Variants in ACACA observed in about 807,000 individuals in gnomAD.
The protein encoded by ACACA is acetyl-CoA carboxylase alpha.
A neutral mutation model predicts 296.1 loss-of-function variants in ACACA; 103 were observed. The observed-to-expected ratio is 0.35, with a 90% CI of 0.30 to 0.41. The LOEUF (loss-of-function observed/expected upper bound fraction) is 0.41, where lower values mean the gene tolerates loss of function less well. ACACA is among the 10% of genes least tolerant of loss of function. The pLI, the probability that ACACA is intolerant of heterozygous loss-of-function variation, is 1.00. For missense variants in ACACA, 1,554 were observed against 2,989.7 expected, an observed-to-expected ratio of 0.52 and a Z score of 11.20; for synonymous variants, 953 against 1,038.6, an observed-to-expected ratio of 0.92 and a Z score of 1.58.
chr17:37,179,457 A>G (rs1274735025), intron 40 of ACACA, 51 bp from the exon 41 acceptor site: 1 of 1,592,874 alleles, frequency 6.3e-7, no homozygotes, highest in Non-Finnish European at 8.6e-7. Context: ...TTCAATATAG[A>G]CAAAAATAAT....
intron 43 of ACACA, among the ~76,000 whole-genome samples, chr17:37,153,647 G>A (rs963484186): frequency 3.9e-5 from 6 of 152,016 alleles, no homozygotes; most frequent in East Asian, 1.9e-4. Flanking sequence ...AAATTTTTTC[G>A]ATTTATGTAT....
intron 14 of ACACA, among the ~76,000 whole-genome samples, chr17:37,253,267 CT>C (rs2081076484): frequency 1.3e-5 from 2 of 152,088 alleles, no homozygotes; most frequent in Admixed American, 6.5e-5. Flanking sequence ...TGGCGGGCGC[CT>C]GTAGTCCCAG....
chr17:37,286,087 G>A (rs772093646), intron 3 of ACACA, among the ~76,000 whole-genome samples: 2 of 151,998 alleles, frequency 1.3e-5, no homozygotes, highest in Admixed American at 1.3e-4. Context: ...ACAAGGTTTC[G>A]CCATGTTGAC....
chr17:37,273,797 G>T (rs1157406984), intron 9 of ACACA, among the ~76,000 whole-genome samples: 1 of 152,060 alleles, frequency 6.6e-6, no homozygotes, highest in Admixed American at 6.6e-5. Flanking sequence ...CTGCTTCCTG[G>T]CTTCTTGGTT....
chr17:37,355,980 C>A (rs888292512), intron 1 of ACACA, among the ~76,000 whole-genome samples: 5 of 152,068 alleles, frequency 3.3e-5, no homozygotes, highest in African/African-American at 1.2e-4. Context: ...ACCAGCCTGG[C>A]CGACATGACG....
At chr17:37,292,797 G>A (rs2083133692) in intron 3 of ACACA, among the ~76,000 whole-genome samples, 1 of 152,240 alleles carries the variant, frequency 6.6e-6, no homozygotes, top group Admixed American at 6.5e-5. Context: ...CTGGGAGGCA[G>A]AGGTTGCAGT....
rs576369907 is a variant in ACACA, at chr17:37,361,259, G to C, written c.39-21409C>G. ...TCACCATGTTGGCCAGGATGGTCTC[G>C]ATCTCTTGACCTCGTGATCCGCCCA... On this transcript the variant is annotated intron_variant, in intron 1 of 55. Transcript: ENST00000616317. 2.0e-5 allele frequency among the ~76,000 whole-genome samples: 3 copies of C among 152,002 alleles called. No individual in the cohort carries two copies. In the South Asian group the frequency reaches 6.2e-4, roughly 32 times the overall value.
intron 10 of ACACA, among the ~76,000 whole-genome samples, chr17:37,270,245 G>A (rs1235419964): frequency 2.0e-5 from 3 of 152,180 alleles, no homozygotes; most frequent in African/African-American, 7.2e-5. Flanking sequence ...GGACAGCAGG[G>A]TAGATGAGAC....
chr17:37,137,212 T>TA (rs111295569), intron 45 of ACACA, among the ~76,000 whole-genome samples: 4 of 152,238 alleles, frequency 2.6e-5, no homozygotes, highest in East Asian at 1.9e-4. Context: ...GGAAAACTTT[T>TA]AAAAAAATCC....
intron 2 of ACACA, 73 bp from the exon 3 acceptor site, chr17:37,330,498 T>C: frequency 1.3e-6 from 2 of 1,583,266 alleles, no homozygotes; most frequent in East Asian, 2.2e-5. Context: ...CCAGAGGTTA[T>C]ATCTAATAAA....
At chr17:37,087,890 T>TAAAG in intron 55 of ACACA, among the ~76,000 whole-genome samples, 1 of 152,224 alleles carries the variant, frequency 6.6e-6, no homozygotes, top group East Asian at 1.9e-4. Context: ...AAGCTCATCG[T>TAAAG]AAAGACTGCA....
intron 27 of ACACA, among the ~76,000 whole-genome samples, 168 bp downstream of exon 27, chr17:37,224,823 AT>A (rs950308557): frequency 3.0e-4 from 45 of 152,134 alleles, no homozygotes; most frequent in African/African-American, 1.0e-3. Flanking sequence ...TATGAAAAAA[AT>A]ATTCATAAGT....
At chr17:37,173,451 T>C (rs1295990170) in intron 41 of ACACA, among the ~76,000 whole-genome samples, 1 of 152,126 alleles carries the variant, frequency 6.6e-6, no homozygotes, top group Non-Finnish European at 1.5e-5. Context: ...CAACTTCCTT[T>C]CCCTACCAAC....
At chr17:37,268,683 A>G (rs2680395) in intron 10 of ACACA, among the ~76,000 whole-genome samples, 19,333 of 149,308 alleles carry the variant, frequency 0.13, 1,895 homozygotes, top group East Asian at 0.45. Context: ...AATGGTCTCT[A>G]ATGCCGTAAA....
At chr17:37,290,297 C>T (rs944950214) in intron 3 of ACACA, among the ~76,000 whole-genome samples, 1 of 152,160 alleles carries the variant, frequency 6.6e-6, no homozygotes. Flanking sequence ...GATCTGCCTG[C>T]CTCAGCCTTC....
intron 41 of ACACA, among the ~76,000 whole-genome samples, chr17:37,175,402 T>C (rs1219438661): frequency 6.6e-6 from 1 of 152,212 alleles, no homozygotes; most frequent in South Asian, 2.1e-4. Context: ...CCACCTGCAA[T>C]TATAGCTTCC....
At chr17:37,369,944 G>A (rs181300265) in intron 1 of ACACA, among the ~76,000 whole-genome samples, 7 of 151,642 alleles carry the variant, frequency 4.6e-5, no homozygotes, top group Non-Finnish European at 8.8e-5. Flanking sequence ...GACCTCAGGT[G>A]ATCTGCCCTC....
chr17:37,127,918 G>T (rs1023031004), intron 47 of ACACA, among the ~76,000 whole-genome samples: 1 of 145,964 alleles, frequency 6.9e-6, no homozygotes, highest in Non-Finnish European at 1.5e-5. Flanking sequence ...TCATAATCAT[G>T]GCACAAAAAA....
rs562014310 is a variant in ACACA, at chr17:37,173,618, TA to T, written c.5079+5641del. ...TGTGTATTTTTTTATATGTTTAAAATAAAAAAATTAATGAGATGCTATACTT... is the reference window on the plus strand; with the variant it reads ...TGTGTATTTTTTTATATGTTTAAAATAAAAAATTAATGAGATGCTATACTT... On this transcript the variant is annotated intron_variant, in intron 41 of 55. Coordinates refer to ENST00000616317, the MANE Select transcript of ACACA (RefSeq NM_198834.3). Among the ~76,000 whole-genome samples the T allele has an allele frequency of 2.3e-3, 355 of 152,016 alleles. 1 individual carries two copies. Among genetic ancestry groups the T allele is most frequent in the African/African-American group, 8.3e-3 (344 of 41,480 alleles).
Sources: allele counts gnomAD v4.1 joint callset (sites outside exome capture counted in the v4.1 genomes callset), GRCh38; gene constraint gnomAD v4.1.1; transcripts MANE v1.5; gene names NCBI Gene and HGNC (gene_info 2026-07-23, HGNC 2026-07-21).